Variants in CCDC158 observed in about 807,000 individuals in gnomAD.
CCDC158 encodes the protein coiled-coil domain containing 158.
Under a neutral mutation model 138.6 loss-of-function variants are expected in CCDC158, and 116 were observed. The observed-to-expected ratio is 0.84, with a 90% CI of 0.72 to 0.98. The LOEUF (loss-of-function observed/expected upper bound fraction) is 0.98. Among genes scored for constraint, CCDC158 ranks in the 50% least tolerant of loss-of-function variants. The pLI, the probability that CCDC158 is intolerant of heterozygous loss-of-function variation, is 0.00. For synonymous variants in CCDC158, 436 were observed against 442.4 expected, an observed-to-expected ratio of 0.99 and a Z score of 0.18; for missense variants, 1,265 against 1,306.1, an observed-to-expected ratio of 0.97 and a Z score of 0.48.
chr4:76,358,190 C>T (rs1364356128), intron 13 of CCDC158, among the ~76,000 whole-genome samples: 1 of 152,136 alleles, frequency 6.6e-6, no homozygotes, highest in African/African-American at 2.4e-5. Flanking sequence ...CTGGTTCCCT[C>T]TCCCAGTTGC....
At chr4:76,357,341 A>C in intron 14 of CCDC158, 33 bp downstream of exon 14, 1 of 1,443,222 alleles carries the variant, frequency 6.9e-7, no homozygotes. Flanking sequence ...AATTAAAAAC[A>C]GAAGAAAAAA....
intron 23 of CCDC158, 99 bp downstream of exon 23, chr4:76,325,758 A>T (rs1720461789): frequency 1.0e-6 from 1 of 972,068 alleles, no homozygotes; most frequent in Admixed American, 2.5e-5. Context: ...CTTACACATA[A>T]GAGCAGCATG....
At chr4:76,383,152 A>G (rs28712520) in intron 7 of CCDC158, among the ~76,000 whole-genome samples, 4,472 of 152,164 alleles carry the variant, frequency 0.029, 221 homozygotes, top group African/African-American at 0.1. Flanking sequence ...CTTTAGTCAG[A>G]CTCTTCTGAG....
At chr4:76,383,603 CACTGTAAA>C in intron 7 of CCDC158, 51 bp downstream of exon 7, 1 of 1,236,216 alleles carries the variant, frequency 8.1e-7, no homozygotes, top group South Asian at 1.2e-5. Flanking sequence ...GTGGCCGAAA[CACTGTAAA>C]ACTGTGGTTT....
intron 1 of CCDC158, among the ~76,000 whole-genome samples, chr4:76,418,814 C>T (rs1030718571): frequency 6.6e-6 from 1 of 152,162 alleles, no homozygotes; most frequent in Non-Finnish European, 1.5e-5. Flanking sequence ...GGGATACAGC[C>T]AAACCATATC....
intron 18 of CCDC158, among the ~76,000 whole-genome samples, chr4:76,339,218 G>A (rs1010036199): frequency 2.6e-5 from 4 of 152,142 alleles, no homozygotes; most frequent in South Asian, 2.1e-4. Flanking sequence ...CCACCACTTC[G>A]TCAAATGTGT....
intron 2 of CCDC158, among the ~76,000 whole-genome samples, chr4:76,410,584 C>A (rs558803825): frequency 1.4e-4 from 22 of 152,280 alleles, no homozygotes; most frequent in African/African-American, 5.3e-4. Context: ...GATGAACCAC[C>A]CTACCTTCCA....
chr4:76,325,929 C>A lies in CCDC158; in HGVS notation c.3097G>T (p.Val1033Phe). The change falls in exon 23 of 25, where the codon GTT becomes TTT. Residue 1033 changes from valine to phenylalanine, a missense_variant. Physicochemically the swap from Val to Phe is conservative, Grantham distance 50. Transcript: ENST00000682701. ...GATGTGGAACCTATTGAACCTTCAACTGAACTAGTTAGGAGTGAGTGCACT... is the reference window on the plus strand; with the variant it reads ...GATGTGGAACCTATTGAACCTTCAAATGAACTAGTTAGGAGTGAGTGCACT... ...SPVHSLLTSS[V>F]EGSIGSTSQY... 1 of 1,613,710 alleles carries A rather than the reference C, an allele frequency of 6.2e-7. No individual in the cohort carries two copies. The highest frequency in any genetic ancestry group is 1.3e-5 in the African/African-American group (1 of 75,026).
intron 18 of CCDC158, among the ~76,000 whole-genome samples, chr4:76,345,746 C>T (rs1009609010): frequency 1.1e-4 from 17 of 152,202 alleles, no homozygotes; most frequent in African/African-American, 2.6e-4. Flanking sequence ...AAAGAGGACA[C>T]AAACAAATGG....
intron 14 of CCDC158, 88 bp downstream of exon 14, chr4:76,357,286 T>C (rs1317365870): frequency 1.3e-6 from 1 of 794,412 alleles, no homozygotes; most frequent in Admixed American, 3.1e-5. Context: ...GAAGAGGTGG[T>C]AGGTAACGTA....
At chr4:76,348,830 T>C (rs187394032) in intron 18 of CCDC158, among the ~76,000 whole-genome samples, 7 of 152,004 alleles carry the variant, frequency 4.6e-5, no homozygotes, top group African/African-American at 1.5e-4. Flanking sequence ...ATATAAGGCA[T>C]GATGAATAAA....
chr4:76,405,462 T>G (rs542386205), intron 2 of CCDC158, among the ~76,000 whole-genome samples: 1 of 152,124 alleles, frequency 6.6e-6, no homozygotes, highest in Non-Finnish European at 1.5e-5. Flanking sequence ...CAAGGTTTTG[T>G]GTAGGTTCTA....
chr4:76,367,673 A>T lies in CCDC158; in HGVS notation c.1451T>A (p.Leu484Ter), dbSNP rs751585825. 5.6e-6 allele frequency: 9 copies of T among 1,614,026 alleles called. No individual in the cohort carries two copies. In the African/African-American group the frequency reaches 9.3e-5, roughly 17 times the overall value. ...KEMLRKVVEE[L>*]TAKKMTLESS... ...CTCCAGAGTCATTTTCTTGGCTGTC[A>T]ACTCTTCTACTACTTTGCGCAGCAT... is the stretch of plus-strand genomic sequence containing the variant. The change falls in exon 12 of 25, where the codon TTG (leucine) becomes TAG (stop). Residue 484 changes from leucine (L) to a stop codon, truncating the protein, a stop_gained. Transcript: ENST00000682701. LOFTEE classifies it high-confidence loss of function.
At chr4:76,361,609 C>T (rs191636023) in intron 13 of CCDC158, among the ~76,000 whole-genome samples, 1 of 152,118 alleles carries the variant, frequency 6.6e-6, no homozygotes, top group East Asian at 1.9e-4. Context: ...TAGTTCTTTA[C>T]AGCAATGCGA....
intron 4 of CCDC158, among the ~76,000 whole-genome samples, chr4:76,392,014 C>T (rs28832651): frequency 0.029 from 4,475 of 151,712 alleles, 220 homozygotes; most frequent in African/African-American, 0.1. Context: ...AAGCCCAGGA[C>T]CTGATGGCTT....
rs1246500402 is a variant in CCDC158 at position 76,367,385 on chromosome 4, TG to T, written c.1738del (p.Gln580SerfsTer11). ...QIENMTQLVG[Q>X]HGRTAGAMQV... Reference sequence around the variant, plus strand: ...CATAGCTCCAGCAGTTCGTCCATGCTGGCCCACCAGCTGTGTCATGTTCTCA... The same window carrying T: ...CATAGCTCCAGCAGTTCGTCCATGCTGCCCACCAGCTGTGTCATGTTCTCA... On this transcript the variant is annotated frameshift_variant, in exon 12 of 25. Transcript: ENST00000682701. LOFTEE classifies it high-confidence loss of function. The T allele has an allele frequency of 6.2e-7, 1 of 1,614,158 alleles. No homozygotes were observed. The highest frequency in any genetic ancestry group is 2.2e-5 in the East Asian group (1 of 44,906).
intron 2 of CCDC158, among the ~76,000 whole-genome samples, chr4:76,405,411 C>G (rs1344390608): frequency 6.6e-6 from 1 of 152,110 alleles, no homozygotes; most frequent in Non-Finnish European, 1.5e-5. Flanking sequence ...CCCAGAAGAC[C>G]ACTGTAAAAT....
chr4:76,369,656 T>C, intron 10 of CCDC158, 33 bp from the exon 11 acceptor site: 2 of 1,558,582 alleles, frequency 1.3e-6, no homozygotes, highest in South Asian at 2.2e-5. Flanking sequence ...TTTTCCTCCC[T>C]GCTATTAAAT....
At chr4:76,420,182 G>GCTTC (rs1039444888) in intron 1 of CCDC158, among the ~76,000 whole-genome samples, 1 of 151,948 alleles carries the variant, frequency 6.6e-6, no homozygotes, top group African/African-American at 2.4e-5. Context: ...TACCTGATGA[G>GCTTC]CTTCCGCACA....
Sources: allele counts gnomAD v4.1 joint callset (sites outside exome capture counted in the v4.1 genomes callset), GRCh38; gene constraint gnomAD v4.1.1; transcripts MANE v1.5; gene names NCBI Gene and HGNC (gene_info 2026-07-23, HGNC 2026-07-21).